WDR1: variants seen among roughly 807,000 people sequenced by gnomAD.
WDR1 encodes the protein WD repeat domain 1, also known as WD repeat-containing protein 1.
Under a neutral mutation model 71.9 loss-of-function variants are expected in WDR1, and 21 were observed. The observed-to-expected ratio is 0.29, with a 90% CI of 0.21 to 0.42. WDR1 has a LOEUF of 0.42. Among genes scored for constraint, WDR1 ranks in the 10% least tolerant of loss-of-function variants. WDR1 has a pLI of 1.00. For synonymous variants in WDR1, 424 were observed against 347.4 expected (o/e 1.22, Z -2.45); for missense variants, 696 against 824.5 (o/e 0.84, Z 1.91).
In WDR1 at chr4:10,088,376, T is replaced by C. The variant is rs1183179213; in HGVS notation, c.637-3A>G. The C allele has an allele frequency of 6.4e-7, 1 of 1,554,910 alleles. No individual in the cohort carries two copies. ...GTCTTCCCGTCATAGATGTATATCT[T>C]CCAAGAAATAAAAACATGTGGGTCA... On this transcript the variant is annotated splice_region_variant and splice_polypyrimidine_tract_variant and intron_variant, in intron 6 of 14. Coordinates refer to ENST00000499869, the MANE Select transcript of WDR1 (RefSeq NM_017491.5).
At chr4:10,085,527 A>G (rs895332530) in intron 8 of WDR1, among the ~76,000 whole-genome samples, 5 of 152,234 alleles carry the variant, frequency 3.3e-5, no homozygotes, top group African/African-American at 1.2e-4. Flanking sequence ...TCAGACCAGC[A>G]CAGCCCCCAC....
intron 2 of WDR1, among the ~76,000 whole-genome samples, chr4:10,106,015 C>T (rs920719511): frequency 3.3e-5 from 5 of 151,896 alleles, no homozygotes; most frequent in African/African-American, 1.2e-4. Context: ...GAAAAGACTA[C>T]ACATTGCCTC....
chr4:10,103,169 A>C (rs532663315), intron 3 of WDR1, among the ~76,000 whole-genome samples: 11 of 152,292 alleles, frequency 7.2e-5, no homozygotes, highest in Admixed American at 6.5e-4. Flanking sequence ...CCAGTGTACA[A>C]ATAAAACGTG....
At chr4:10,113,938 A>G (rs1280445351) in intron 2 of WDR1, among the ~76,000 whole-genome samples, 2 of 152,224 alleles carry the variant, frequency 1.3e-5, no homozygotes, top group African/African-American at 4.8e-5. Context: ...GAGACATGTT[A>G]GATCTTCCAT....
At chr4:10,082,323 C>T (rs1411606761) in intron 10 of WDR1, among the ~76,000 whole-genome samples, 2 of 151,504 alleles carry the variant, frequency 1.3e-5, no homozygotes, top group Non-Finnish European at 2.9e-5. Context: ...CCCCATCTCC[C>T]AGGCAACACG....
At chr4:10,078,070 T>A in intron 12 of WDR1, 144 bp from the exon 13 acceptor site, 3 of 1,079,160 alleles carry the variant, frequency 2.8e-6, no homozygotes, top group Non-Finnish European at 3.9e-6. Context: ...GAGCTGGGCA[T>A]GGCTCTTCCC....
intron 5 of WDR1, chr4:10,093,122 G>C: frequency 3.1e-6 from 4 of 1,289,356 alleles, no homozygotes; most frequent in Non-Finnish European, 4.0e-6. Context: ...GCGACAGAGC[G>C]CTGCAGGCCC....
chr4:10,083,811 C>G (rs1765106153), intron 9 of WDR1, among the ~76,000 whole-genome samples: 1 of 152,196 alleles, frequency 6.6e-6, no homozygotes, highest in Non-Finnish European at 1.5e-5. Flanking sequence ...AAAAACACAA[C>G]AGAAGCCCCC....
chr4:10,116,309 C>T (rs532825455), intron 1 of WDR1, 75 bp from the exon 2 acceptor site: 3 of 1,598,352 alleles, frequency 1.9e-6, no homozygotes, highest in African/African-American at 1.3e-5. Context: ...GAAGGAGCCC[C>T]GGACCGGTCT....
At position 10,087,812 on chromosome 4, in the gene WDR1, C is replaced by T. The variant is rs377358661; in HGVS notation, c.846G>A (p.Gln282=). The T allele has an allele frequency of 2.0e-5, 32 of 1,592,530 alleles. No individual in the cohort carries two copies. In the South Asian group the frequency reaches 3.1e-4, roughly 15 times the overall value. The change falls in exon 8 of 15, where the codon CAG becomes CAA. Residue 282 remains glutamine, a synonymous_variant. Coordinates refer to ENST00000499869, the MANE Select transcript of WDR1 (RefSeq NM_017491.5). ...FPMGSTVLDQ[Q]LGCLWQKDHL... ...GGTCCTTCTGCCATAGGCAGCCCAG[C>T]TGCTGGTCCAGAACCGTGGAGCCCA...
At chr4:10,094,770 C>T (rs1391667973) in intron 5 of WDR1, 1 of 152,356 alleles carries the variant, frequency 6.6e-6, no homozygotes, top group East Asian at 1.9e-4. Context: ...TTCCTGGAGC[C>T]TCATTCAGGC....
At chr4:10,088,529 G>T (rs1379562657) in intron 6 of WDR1, 135 bp downstream of exon 6, 2 of 1,105,060 alleles carry the variant, frequency 1.8e-6, no homozygotes, top group Non-Finnish European at 2.7e-6. Flanking sequence ...CTCTGACGAC[G>T]AGTCTGCAGA....
rs577186261 is a variant in WDR1, at chr4:10,090,058, G to A, written c.559-1317C>T. Reference sequence around the variant, plus strand: ...GGGGTGAAGCTGGAGGCAGAGATGGGAGTTCTGCTCACAAAAAGTAACCCC... The same window carrying A: ...GGGGTGAAGCTGGAGGCAGAGATGGAAGTTCTGCTCACAAAAAGTAACCCC... On this transcript the variant is annotated intron_variant, in intron 5 of 14. Coordinates refer to ENST00000499869, the MANE Select transcript of WDR1 (RefSeq NM_017491.5). Among the ~76,000 whole-genome samples, 7 of 152,290 alleles carry A rather than the reference G, an allele frequency of 4.6e-5. No homozygotes were observed. The East Asian group carries it at 7.7e-4, about 17-fold the overall frequency.
At chr4:10,107,283 TG>T (rs1392617706) in intron 2 of WDR1, among the ~76,000 whole-genome samples, 4 of 152,192 alleles carry the variant, frequency 2.6e-5, no homozygotes, top group South Asian at 2.1e-4. Flanking sequence ...ACCACAGGCC[TG>T]CCCAGTTTTC....
chr4:10,111,049 C>G (rs1713320499), intron 2 of WDR1, among the ~76,000 whole-genome samples: 1 of 152,328 alleles, frequency 6.6e-6, no homozygotes, highest in South Asian at 2.1e-4. Context: ...GCGCTGACGC[C>G]GCCTTCATCT....
At chr4:10,098,077 C>T (rs897241836) in intron 4 of WDR1, among the ~76,000 whole-genome samples, 186 bp from the exon 5 acceptor site, 1 of 152,078 alleles carries the variant, frequency 6.6e-6, no homozygotes, top group Non-Finnish European at 1.5e-5. Flanking sequence ...AGGCATTTGT[C>T]CAAAGGACCC....
At chr4:10,109,217 T>A (rs893124040) in intron 2 of WDR1, among the ~76,000 whole-genome samples, 18 of 152,226 alleles carry the variant, frequency 1.2e-4, no homozygotes, top group African/African-American at 4.1e-4. Flanking sequence ...GCCACCCAGC[T>A]GTTAAGTGGC....
chr4:10,101,279 C>T (rs1344955342), intron 3 of WDR1, among the ~76,000 whole-genome samples: 1 of 152,244 alleles, frequency 6.6e-6, no homozygotes, highest in African/African-American at 2.4e-5. Context: ...TTCAACACTT[C>T]AGCAGTCATG....
In WDR1 at chr4:10,087,758, G is replaced by A. The variant is rs1369015669; in HGVS notation, c.900C>T (p.Tyr300=). The change falls in exon 8 of 15, where the codon TAC becomes TAT. Residue 300 remains tyrosine, a synonymous_variant. Coordinates refer to ENST00000499869, the MANE Select transcript of WDR1 (RefSeq NM_017491.5). ...DHLLSVSLSG[Y]INYLDRNNPS... is the part of the protein sequence containing the mutation. ...GGTTGTTTCTGTCCAGATAGTTGAT[G>A]TACCCGGACAGGGAGACACTGAGCA... 14 of 1,602,910 alleles carry A rather than the reference G, an allele frequency of 8.7e-6. No homozygotes were observed. The highest frequency in any genetic ancestry group is 1.2e-5 in the Non-Finnish European group (14 of 1,174,604).
Sources: allele counts gnomAD v4.1 joint callset (sites outside exome capture counted in the v4.1 genomes callset), GRCh38; gene constraint gnomAD v4.1.1; transcripts MANE v1.5; gene names NCBI Gene and HGNC (gene_info 2026-07-23, HGNC 2026-07-21).